TOM1L1: variants seen among roughly 807,000 people sequenced by gnomAD.
TOM1L1 encodes the protein target of myb1 like 1 membrane trafficking protein, also known as TOM1-like protein 1.
In TOM1L1, 64 loss-of-function variants were observed where a neutral mutation model predicts 63.4. The ratio of observed to expected loss-of-function variants is 1.01; its 90% CI spans 0.83 to 1.24. The LOEUF (loss-of-function observed/expected upper bound fraction) is 1.24, where lower values mean the gene tolerates loss of function less well. Among genes scored for constraint, TOM1L1 ranks in the 50% most tolerant of loss-of-function variants. The probability of loss-of-function intolerance (pLI) is 0.00; values close to 1 mark genes in which losing one functional copy is unlikely to be tolerated. For synonymous variants in TOM1L1, 166 were observed against 194.4 expected, an observed-to-expected ratio of 0.85 and a Z score of 1.22; for missense variants, 536 against 567.0, an observed-to-expected ratio of 0.95 and a Z score of 0.55.
chr17:54,901,291 T>G, intron 1 of TOM1L1: 2 of 286,032 alleles, frequency 7.0e-6, no homozygotes, highest in South Asian at 6.3e-5. Context: ...GGCACGGTAT[T>G]GTTATGCCCG....
At chr17:54,947,176 G>A (rs72831206) in intron 11 of TOM1L1, 85 bp from the exon 12 acceptor site, 19,704 of 1,353,298 alleles carry the variant, frequency 0.015, 200 homozygotes, top group Non-Finnish European at 0.018. Flanking sequence ...TTTAGGTTTT[G>A]TTTTTAGACT....
At chr17:54,912,923 G>A in intron 4 of TOM1L1, 108 bp downstream of exon 4, 1 of 1,025,218 alleles carries the variant, frequency 9.8e-7, no homozygotes, top group Non-Finnish European at 1.3e-6. Context: ...GATTGAGCTA[G>A]AAAAGCATTT....
chr17:54,905,658 T>A, intron 3 of TOM1L1, 91 bp downstream of exon 3: 1 of 818,692 alleles, frequency 1.2e-6, no homozygotes, highest in Non-Finnish European at 2.0e-6. Context: ...AAGCAAGTAT[T>A]CTGAGAAAAC....
chr17:54,944,201 A>G (rs923856679), intron 11 of TOM1L1, among the ~76,000 whole-genome samples: 1 of 151,464 alleles, frequency 6.6e-6, no homozygotes, highest in Non-Finnish European at 1.5e-5. Flanking sequence ...TAATCCCAAC[A>G]CTTTGGGAGG....
At chr17:54,955,616 C>G (rs574458031) in intron 14 of TOM1L1, among the ~76,000 whole-genome samples, 1 of 152,096 alleles carries the variant, frequency 6.6e-6, no homozygotes, top group South Asian at 2.1e-4. Context: ...ACGTAGGGAA[C>G]AAAGCCTGAA....
intron 8 of TOM1L1, among the ~76,000 whole-genome samples, chr17:54,935,882 G>A (rs2143888495): frequency 6.6e-6 from 1 of 152,268 alleles, no homozygotes; most frequent in East Asian, 1.9e-4. Flanking sequence ...TAGCACTTTG[G>A]GAGGCCGAGG....
chr17:54,956,800 CAT>C (rs1175700521), intron 14 of TOM1L1: 2 of 152,066 alleles, frequency 1.3e-5, no homozygotes, highest in Admixed American at 6.6e-5. Flanking sequence ...AAGCACCGGG[CAT>C]AGTCTCCAAA....
chr17:54,902,414 C>G (rs111972835), intron 1 of TOM1L1, among the ~76,000 whole-genome samples: 1 of 152,206 alleles, frequency 6.6e-6, no homozygotes, highest in Admixed American at 6.5e-5. Context: ...CTCAGCCTCC[C>G]GAGTAGCTGG....
At chr17:54,939,099 C>A in intron 11 of TOM1L1, 79 bp downstream of exon 11, 1 of 986,328 alleles carries the variant, frequency 1.0e-6, no homozygotes, top group Non-Finnish European at 1.5e-6. Flanking sequence ...GATGGCTGGG[C>A]GCAGTGACTT....
At chr17:54,947,654 T>C (rs1391730799) in intron 12 of TOM1L1, among the ~76,000 whole-genome samples, 4 of 152,204 alleles carry the variant, frequency 2.6e-5, no homozygotes, top group Non-Finnish European at 4.4e-5. Context: ...ACTTCCTCCT[T>C]CTTGCACACA....
intron 1 of TOM1L1, chr17:54,901,223 G>C (rs1247035270): frequency 8.9e-6 from 4 of 450,638 alleles, no homozygotes; most frequent in East Asian, 3.7e-5. Flanking sequence ...GGGCCTCCAC[G>C]AGGAGACACC....
At chr17:54,901,553 C>T (rs2048327421) in intron 1 of TOM1L1, among the ~76,000 whole-genome samples, 2 of 152,154 alleles carry the variant, frequency 1.3e-5, no homozygotes, top group Admixed American at 6.5e-5. Flanking sequence ...TGATTTCTCT[C>T]TCCTCCGGAT....
chr17:54,956,332 T>C (rs1222436298), intron 14 of TOM1L1, among the ~76,000 whole-genome samples: 2 of 151,844 alleles, frequency 1.3e-5, no homozygotes, highest in East Asian at 3.9e-4. Flanking sequence ...TGAGACAGAG[T>C]GTCACTCTGT....
chr17:54,923,720 A>G (rs2048720839), intron 7 of TOM1L1, among the ~76,000 whole-genome samples: 1 of 151,566 alleles, frequency 6.6e-6, no homozygotes, highest in Non-Finnish European at 1.5e-5. Context: ...TAATTTTTGT[A>G]TTTTTAGTAG....
At chr17:54,902,063 C>T (rs1034967914) in intron 1 of TOM1L1, among the ~76,000 whole-genome samples, 3 of 152,128 alleles carry the variant, frequency 2.0e-5, no homozygotes, top group African/African-American at 7.2e-5. Flanking sequence ...ACTGGTGAGG[C>T]CAAGGTGAGA....
chr17:54,947,442 T>C (rs2049139049), intron 12 of TOM1L1, 130 bp downstream of exon 12: 5 of 1,052,300 alleles, frequency 4.8e-6, no homozygotes, highest in South Asian at 4.3e-5. Context: ...GTTAGCAAGA[T>C]GGTAAGGATC....
intron 10 of TOM1L1, 158 bp downstream of exon 10, chr17:54,937,384 G>C: frequency 1.6e-6 from 1 of 643,418 alleles, no homozygotes; most frequent in Non-Finnish European, 2.7e-6. Context: ...GCAAATGGTT[G>C]AGTCAAACCC....
rs2049136815 is a variant in TOM1L1, at chr17:54,947,312, TGTAA to T, written c.1182+5_1182+8del. 6 of 1,614,114 alleles carry T rather than the reference TGTAA, an allele frequency of 3.7e-6. No individual in the cohort carries two copies. Among genetic ancestry groups the T allele is most frequent in the Non-Finnish European group, 5.1e-6 (6 of 1,179,984 alleles). On this transcript the variant is annotated splice_donor_variant and splice_donor_region_variant and intron_variant, in intron 12 of 15. Transcript: ENST00000575882. LOFTEE classifies it high-confidence loss of function. Reference sequence around the variant, plus strand: ...TCACCTCAAGCCACGCATATGATAATGTAAGTAACAAAACTCTTTTCTAGCAGTG... The same window carrying T: ...TCACCTCAAGCCACGCATATGATAATGTAACAAAACTCTTTTCTAGCAGTG...
At chr17:54,957,759 G>A (rs970613418) in intron 14 of TOM1L1, 2 of 152,170 alleles carry the variant, frequency 1.3e-5, no homozygotes, top group Non-Finnish European at 2.9e-5. Context: ...CAAACAGTAT[G>A]TTTATGAAGA....
Sources: allele counts gnomAD v4.1 joint callset (sites outside exome capture counted in the v4.1 genomes callset), GRCh38; gene constraint gnomAD v4.1.1; transcripts MANE v1.5; gene names NCBI Gene and HGNC (gene_info 2026-07-23, HGNC 2026-07-21).